The following CSMD1 variants were observed in gnomAD, a reference collection of about 807,000 sequenced individuals.
CSMD1 encodes the protein CUB and sushi domain-containing protein 1.
CSMD1 carries 213 observed loss-of-function variants against 417.5 expected under a neutral mutation model. That is an observed-to-expected ratio of 0.51 (90% CI 0.46 to 0.57). The LOEUF (loss-of-function observed/expected upper bound fraction) is 0.57, where lower values mean the gene tolerates loss of function less well. Among genes scored for constraint, CSMD1 ranks in the 20% least tolerant of loss-of-function variants. The pLI is 0.00. For missense variants in CSMD1, 6,923 were observed against 4,529.7 expected, an observed-to-expected ratio of 1.53 and a Z score of -15.17; for synonymous variants, 2,862 against 1,736.8, an observed-to-expected ratio of 1.65 and a Z score of -16.11.
chr8:3,746,988 G>C lies in CSMD1; in HGVS notation c.931+6942C>G, dbSNP rs151253272. On this transcript the variant is annotated intron_variant, in intron 6 of 69. Coordinates refer to ENST00000635120, the MANE Select transcript of CSMD1 (RefSeq NM_033225.6). ...AGCTGTGACTAAATTACAGCTATCC[G>C]AAAAAGTTCCTCCTTTCATTAGGAA... Among the ~76,000 whole-genome samples the C allele has an allele frequency of 2.6e-5, 4 of 152,280 alleles. No individual in the cohort carries two copies. The East Asian group carries it at 7.7e-4, about 29-fold the overall frequency.
intron 25 of CSMD1, among the ~76,000 whole-genome samples, chr8:3,303,484 T>C (rs1018261493): frequency 1.3e-5 from 2 of 152,224 alleles, no homozygotes; most frequent in Admixed American, 1.3e-4. Flanking sequence ...ACCTTTTTGA[T>C]ATGCGTCCAA....
intron 18 of CSMD1, among the ~76,000 whole-genome samples, chr8:3,378,099 G>A (rs1240993837): frequency 6.6e-6 from 1 of 152,150 alleles, no homozygotes; most frequent in African/African-American, 2.4e-5. Context: ...TATTGGATGT[G>A]TTTGATTGTT....
chr8:3,426,455 A>G (rs1813846121), intron 12 of CSMD1, among the ~76,000 whole-genome samples: 1 of 152,164 alleles, frequency 6.6e-6, no homozygotes. Flanking sequence ...TTTTCAAATC[A>G]ATTAATGGAA....
intron 10 of CSMD1, among the ~76,000 whole-genome samples, chr8:3,548,549 G>A (rs1436345141): frequency 6.6e-6 from 1 of 151,570 alleles, no homozygotes. Flanking sequence ...TACGATGTTT[G>A]GTTTTCCATT....
chr8:4,094,446 T>A (rs191054687), intron 3 of CSMD1, among the ~76,000 whole-genome samples: 2 of 151,786 alleles, frequency 1.3e-5, no homozygotes, highest in Admixed American at 6.6e-5. Context: ...CTGTGGGAAG[T>A]GAGGTAGAGG....
chr8:3,152,640 T>G (rs1013467781), intron 39 of CSMD1, among the ~76,000 whole-genome samples: 11 of 152,210 alleles, frequency 7.2e-5, no homozygotes, highest in Admixed American at 6.5e-4. Flanking sequence ...AAACATTGTA[T>G]AAGTTGAAAA....
chr8:4,604,081 A>G (rs1375787075), intron 2 of CSMD1, among the ~76,000 whole-genome samples: 1 of 152,056 alleles, frequency 6.6e-6, no homozygotes, highest in Non-Finnish European at 1.5e-5. Flanking sequence ...CTTAGTTGTT[A>G]TCATAGACAG....
At chr8:4,393,224 C>T (rs1486148682) in intron 3 of CSMD1, among the ~76,000 whole-genome samples, 3 of 152,124 alleles carry the variant, frequency 2.0e-5, no homozygotes, top group Non-Finnish European at 2.9e-5. Context: ...GATCTACCCA[C>T]ATCAGCCTCC....
intron 20 of CSMD1, among the ~76,000 whole-genome samples, chr8:3,365,190 G>A (rs993880910): frequency 3.3e-5 from 5 of 152,138 alleles, no homozygotes; most frequent in Admixed American, 2.0e-4. Context: ...TATATAAAGT[G>A]GCAAGTTTCA....
At chr8:4,168,673 T>A (rs1797592582) in intron 3 of CSMD1, among the ~76,000 whole-genome samples, 5 of 152,136 alleles carry the variant, frequency 3.3e-5, no homozygotes, top group Admixed American at 6.5e-5. Flanking sequence ...TCTCACATTT[T>A]TTAAAAAATG....
At chr8:4,820,190 C>A (rs973263533) in intron 1 of CSMD1, among the ~76,000 whole-genome samples, 1 of 152,110 alleles carries the variant, frequency 6.6e-6, no homozygotes, top group African/African-American at 2.4e-5. Context: ...TAGGCAGCAT[C>A]CTCTCTTGGC....
intron 2 of CSMD1, among the ~76,000 whole-genome samples, chr8:4,605,616 G>C (rs1421782441): frequency 6.6e-6 from 1 of 152,204 alleles, no homozygotes; most frequent in African/African-American, 2.4e-5. Context: ...ATCTAACCAT[G>C]ACCTTTCCTA....
intron 2 of CSMD1, among the ~76,000 whole-genome samples, chr8:4,586,409 A>C (rs760815233): frequency 6.6e-5 from 10 of 152,108 alleles, no homozygotes; most frequent in African/African-American, 9.7e-5. Context: ...CACAGACCAA[A>C]CCTGTTACAG....
intron 5 of CSMD1, among the ~76,000 whole-genome samples, chr8:3,907,168 G>A (rs1808170055): frequency 1.3e-5 from 2 of 152,182 alleles, no homozygotes; most frequent in African/African-American, 2.4e-5. Context: ...ACTTTAAACG[G>A]CACACACGCA....
At chr8:4,188,773 A>T (rs1285381186) in intron 3 of CSMD1, among the ~76,000 whole-genome samples, 1 of 148,518 alleles carries the variant, frequency 6.7e-6, no homozygotes, top group Non-Finnish European at 1.5e-5. Flanking sequence ...TTTTAGTAGG[A>T]AAGAAGATAA....
chr8:3,702,373 G>C (rs769783356), intron 7 of CSMD1: 1 of 152,140 alleles, frequency 6.6e-6, no homozygotes, highest in Non-Finnish European at 1.5e-5. Context: ...CCAATGTTTT[G>C]TTTATCTTTC....
At chr8:3,730,183 C>G (rs1013434252) in intron 6 of CSMD1, among the ~76,000 whole-genome samples, 3 of 152,052 alleles carry the variant, frequency 2.0e-5, no homozygotes, top group Non-Finnish European at 4.4e-5. Flanking sequence ...AAAATCATGT[C>G]TCCAACAGGT....
intron 10 of CSMD1, among the ~76,000 whole-genome samples, chr8:3,534,444 G>C (rs912539863): frequency 2.7e-5 from 4 of 150,086 alleles, no homozygotes; most frequent in Admixed American, 6.7e-5. Context: ...GTGCCTATCA[G>C]CATGTGAGGA....
intron 25 of CSMD1, among the ~76,000 whole-genome samples, chr8:3,301,835 A>C (rs978593436): frequency 1.3e-5 from 2 of 152,198 alleles, no homozygotes; most frequent in African/African-American, 4.8e-5. Context: ...TTGAGAGAAG[A>C]CTAAAGTAAC....
Sources: allele counts gnomAD v4.1 joint callset (sites outside exome capture counted in the v4.1 genomes callset), GRCh38; gene constraint gnomAD v4.1.1; transcripts MANE v1.5; gene names NCBI Gene and HGNC (gene_info 2026-07-23, HGNC 2026-07-21).